ANGPT1: variants seen among roughly 807,000 people sequenced by gnomAD.
ANGPT1 encodes angiopoietin-1.
Under a neutral mutation model 62.2 loss-of-function variants are expected in ANGPT1, and 17 were observed. That is an observed-to-expected ratio of 0.27 (90% CI 0.19 to 0.41). ANGPT1 has a LOEUF of 0.41. Among genes scored for constraint, ANGPT1 ranks in the 10% least tolerant of loss-of-function variants. The pLI is 1.00. For missense variants in ANGPT1, 478 were observed against 594.9 expected, an observed-to-expected ratio of 0.80 and a Z score of 2.04; for synonymous variants, 199 against 198.9, an observed-to-expected ratio of 1.00 and a Z score of 0.00.
chr8:107,445,997 A>G (rs2130442790), intron 1 of ANGPT1, among the ~76,000 whole-genome samples: 1 of 152,244 alleles, frequency 6.6e-6, no homozygotes, highest in Middle Eastern at 3.4e-3. Flanking sequence ...GGCTCACTGA[A>G]ACCTCTGCCT....
At chr8:107,479,359 A>G (rs1285396714) in intron 1 of ANGPT1, among the ~76,000 whole-genome samples, 2 of 152,118 alleles carry the variant, frequency 1.3e-5, no homozygotes, top group African/African-American at 2.4e-5. Flanking sequence ...TGTTCTTTGT[A>G]TTTACTGTTA....
intron 4 of ANGPT1, among the ~76,000 whole-genome samples, chr8:107,312,746 T>A (rs1814905564): frequency 6.6e-6 from 1 of 152,126 alleles, no homozygotes; most frequent in South Asian, 2.1e-4. Flanking sequence ...TATGTAGGTT[T>A]GTGTAGGATA....
chr8:107,478,673 T>C (rs1316508312), intron 1 of ANGPT1, among the ~76,000 whole-genome samples: 2 of 152,234 alleles, frequency 1.3e-5, no homozygotes, highest in Admixed American at 6.5e-5. Context: ...TTAAAAATTA[T>C]TCATTGTGAA....
At chr8:107,329,166 C>T (rs1043730952) in intron 3 of ANGPT1, among the ~76,000 whole-genome samples, 4 of 151,944 alleles carry the variant, frequency 2.6e-5, no homozygotes, top group African/African-American at 9.7e-5. Flanking sequence ...TGTAAACACA[C>T]ACATAAATAT....
chr8:107,468,944 CA>C (rs1812275789), intron 1 of ANGPT1, among the ~76,000 whole-genome samples: 2 of 151,906 alleles, frequency 1.3e-5, no homozygotes, highest in Non-Finnish European at 1.5e-5. Flanking sequence ...ATGCTTGAAG[CA>C]AGAATAGTGA....
chr8:107,435,751 G>A (rs1466892399), intron 1 of ANGPT1, among the ~76,000 whole-genome samples: 1 of 152,156 alleles, frequency 6.6e-6, no homozygotes, highest in Non-Finnish European at 1.5e-5. Context: ...TTTATTCATT[G>A]CCCACCATGT....
chr8:107,381,663 G>GAT (rs1816639589), intron 1 of ANGPT1, among the ~76,000 whole-genome samples: 1 of 152,174 alleles, frequency 6.6e-6, no homozygotes, highest in African/African-American at 2.4e-5. Context: ...GATCTTTCAA[G>GAT]GGAATCCCTG....
chr8:107,255,461 T>C (rs1813336489), intron 8 of ANGPT1, among the ~76,000 whole-genome samples: 1 of 152,194 alleles, frequency 6.6e-6, no homozygotes, highest in South Asian at 2.1e-4. Flanking sequence ...ATGGGAAGCC[T>C]GGAGAGCGCC....
intron 7 of ANGPT1, among the ~76,000 whole-genome samples, chr8:107,276,080 C>T (rs1196376528): frequency 6.6e-6 from 1 of 152,106 alleles, no homozygotes; most frequent in African/African-American, 2.4e-5. Flanking sequence ...TGTGCTCATC[C>T]GTGCCTCTGA....
At chr8:107,265,805 A>C (rs1417702685) in intron 7 of ANGPT1, among the ~76,000 whole-genome samples, 1 of 152,202 alleles carries the variant, frequency 6.6e-6, no homozygotes, top group Non-Finnish European at 1.5e-5. Context: ...TAGAATAATA[A>C]AGATCAATTA....
chr8:107,416,735 C>T (rs1372893739), intron 1 of ANGPT1, among the ~76,000 whole-genome samples: 3 of 151,930 alleles, frequency 2.0e-5, no homozygotes, highest in Non-Finnish European at 4.4e-5. Context: ...TCCTCCAGAG[C>T]ATGGGGCAGA....
At chr8:107,478,091 A>G (rs529724799) in intron 1 of ANGPT1, among the ~76,000 whole-genome samples, 1 of 150,640 alleles carries the variant, frequency 6.6e-6, no homozygotes, top group African/African-American at 2.4e-5. Context: ...AGATTCTGCT[A>G]CTATTTCTAA....
intron 7 of ANGPT1, among the ~76,000 whole-genome samples, chr8:107,273,585 T>A (rs1283891258): frequency 6.6e-6 from 1 of 152,022 alleles, no homozygotes; most frequent in East Asian, 1.9e-4. Flanking sequence ...CTGTCTCTCA[T>A]CTCTGCATGT....
At chr8:107,303,184 C>T in intron 5 of ANGPT1, 56 bp downstream of exon 5, 1 of 1,583,334 alleles carries the variant, frequency 6.3e-7, no homozygotes, top group Non-Finnish European at 8.6e-7. Context: ...TCTGATTATC[C>T]AGCAATTCAA....
chr8:107,254,287 A>G lies in ANGPT1; in HGVS notation c.1337-2272T>C, dbSNP rs547800371. On this transcript the variant is annotated intron_variant, in intron 8 of 8. Transcript: ENST00000517746. ...TTTTTTCTTTATGTATCCATTCAAT[A>G]TATAATTATTGTGAAACGTTGTTAC... Among the ~76,000 whole-genome samples, 320 of 152,126 alleles carry G rather than the reference A, an allele frequency of 2.1e-3. 3 individuals are homozygous for G. Among genetic ancestry groups the G allele is most frequent in the Middle Eastern group, 6.8e-3 (2 of 294 alleles).
chr8:107,422,564 C>T (rs1218584834), intron 1 of ANGPT1, among the ~76,000 whole-genome samples: 6 of 152,176 alleles, frequency 3.9e-5, no homozygotes, highest in Admixed American at 6.5e-5. Flanking sequence ...AATCTTGGTT[C>T]GTGGCTCCAG....
At chr8:107,391,887 C>A (rs551971288) in intron 1 of ANGPT1, among the ~76,000 whole-genome samples, 1 of 152,068 alleles carries the variant, frequency 6.6e-6, no homozygotes. Flanking sequence ...TAATGCATTG[C>A]CCTATGATAT....
Position 107,363,876 on chromosome 8 carries a change from TATA to T in ANGPT1, c.298-16782_298-16780del, listed in dbSNP as rs765340209. Among the ~76,000 whole-genome samples, 64 of 152,302 alleles carry T rather than the reference TATA, an allele frequency of 4.2e-4. 1 individual carries two copies. The highest frequency in any genetic ancestry group is 1.8e-3 in the Admixed American group (27 of 15,290). On this transcript the variant is annotated intron_variant, in intron 1 of 8. Transcript: ENST00000517746. Reference sequence around the variant, plus strand: ...AAGCCTCAACTTCCTCATCTGTAAATATAATAATATCTACATCAAAGCAGTTTT... The same window carrying T: ...AAGCCTCAACTTCCTCATCTGTAAATATAATATCTACATCAAAGCAGTTTT...
At chr8:107,263,630 GA>G (rs1172862484) in intron 8 of ANGPT1, among the ~76,000 whole-genome samples, 19 of 151,948 alleles carry the variant, frequency 1.3e-4, no homozygotes, top group Admixed American at 1.2e-3. Context: ...CAGAAGGCTG[GA>G]AAAATATTTA....
Sources: allele counts gnomAD v4.1 joint callset (sites outside exome capture counted in the v4.1 genomes callset), GRCh38; gene constraint gnomAD v4.1.1; transcripts MANE v1.5; gene names NCBI Gene and HGNC (gene_info 2026-07-23, HGNC 2026-07-21).